The following XPOT variants were observed in gnomAD, a reference collection of about 807,000 sequenced individuals.
XPOT encodes the protein exportin for tRNA, also known as exportin-T.
Under a neutral mutation model 128.2 loss-of-function variants are expected in XPOT, and 34 were observed. That is an observed-to-expected ratio of 0.27 (90% CI 0.20 to 0.35). The LOEUF (loss-of-function observed/expected upper bound fraction) is 0.35, where lower values mean the gene tolerates loss of function less well. XPOT is among the 10% of genes least tolerant of loss of function. The probability of loss-of-function intolerance (pLI) is 1.00; values close to 1 mark genes in which losing one functional copy is unlikely to be tolerated. For synonymous variants in XPOT, 348 were observed against 394.3 expected, an observed-to-expected ratio of 0.88 and a Z score of 1.39; for missense variants, 838 against 1,125.3, an observed-to-expected ratio of 0.74 and a Z score of 3.65.
At position 64,417,972 on chromosome 12, in the gene XPOT, T is replaced by C. The variant is rs1291577617; in HGVS notation, c.201-74T>C. On this transcript the variant is annotated intron_variant, in intron 4 of 24. Transcript: ENST00000332707. ...CTATACAAATTTTCCCTTTCAAATA[T>C]ATGAGGCTGTTATTTTTTACAACCA... The C allele has an allele frequency of 6.6e-6, 8 of 1,212,876 alleles. No individual in the cohort carries two copies. The East Asian group carries it at 9.7e-5, about 15-fold the overall frequency. The allele number at this position is 1,212,876 out of a possible 1,614,324, so 75.1% of individuals were successfully genotyped here.
intron 17 of XPOT, 53 bp from the exon 18 acceptor site, chr12:64,431,485 A>G: frequency 1.9e-6 from 3 of 1,574,156 alleles, no homozygotes; most frequent in Non-Finnish European, 2.6e-6. Context: ...AATACTCCAT[A>G]ACACTTTTAA....
At chr12:64,414,629 A>G (rs781166837) in intron 2 of XPOT, among the ~76,000 whole-genome samples, 1 of 152,170 alleles carries the variant, frequency 6.6e-6, no homozygotes, top group Non-Finnish European at 1.5e-5. Context: ...CATTCTTCAT[A>G]ATAACCCCAT....
chr12:64,419,988 G>T, intron 6 of XPOT, 82 bp from the exon 7 acceptor site: 1 of 1,303,476 alleles, frequency 7.7e-7, no homozygotes. Flanking sequence ...AAGTCTGAAA[G>T]TTTACTCTCT....
chr12:64,439,750 C>T lies in XPOT; in HGVS notation c.2805+435C>T, dbSNP rs977943787. ...GCTTATCAATGCTTAATCTGTAAAT[C>T]TGAAACTATTTTAAGGAAAGTGTCT... On this transcript the variant is annotated intron_variant, in intron 23 of 24. Coordinates refer to ENST00000332707, the MANE Select transcript of XPOT (RefSeq NM_007235.6). Among the ~76,000 whole-genome samples the T allele has an allele frequency of 3.3e-5, 5 of 152,166 alleles. No individual in the cohort carries two copies. The South Asian group carries it at 1.0e-3, about 31-fold the overall frequency.
intron 24 of XPOT, among the ~76,000 whole-genome samples, chr12:64,445,394 G>A (rs542832825): frequency 1.3e-5 from 2 of 152,306 alleles, no homozygotes; most frequent in South Asian, 4.1e-4. Context: ...TTCAAGAACA[G>A]TTGTCCAAAT....
chr12:64,411,452 C>T (rs2136011502), intron 2 of XPOT, among the ~76,000 whole-genome samples: 1 of 152,212 alleles, frequency 6.6e-6, no homozygotes, highest in East Asian at 1.9e-4. Context: ...TCTTAAGTTC[C>T]AGCATCCAAT....
chr12:64,446,213 T>A (rs2040365980), intron 24 of XPOT, among the ~76,000 whole-genome samples: 1 of 152,190 alleles, frequency 6.6e-6, no homozygotes, highest in African/African-American at 2.4e-5. Flanking sequence ...TCTGTAACAG[T>A]AGATCTAGGT....
intron 9 of XPOT, among the ~76,000 whole-genome samples, chr12:64,421,793 T>C (rs1202517811): frequency 6.6e-6 from 1 of 152,048 alleles, no homozygotes; most frequent in African/African-American, 2.4e-5. Flanking sequence ...TACATATACA[T>C]CATTCATTTC....
intron 1 of XPOT, among the ~76,000 whole-genome samples, chr12:64,406,473 A>C (rs934635604): frequency 6.6e-6 from 1 of 151,884 alleles, no homozygotes; most frequent in Non-Finnish European, 1.5e-5. Flanking sequence ...GGTTCAAGCG[A>C]TTCTCCTGCC....
intron 15 of XPOT, among the ~76,000 whole-genome samples, chr12:64,427,323 G>C (rs2040201250): frequency 6.6e-6 from 1 of 151,894 alleles, no homozygotes; most frequent in Non-Finnish European, 1.5e-5. Flanking sequence ...GCTTCACCAT[G>C]TTGGTCAGGC....
intron 8 of XPOT, 99 bp downstream of exon 8, chr12:64,420,620 T>A (rs2040129719): frequency 1.1e-6 from 1 of 916,044 alleles, no homozygotes; most frequent in African/African-American, 1.7e-5. Flanking sequence ...CTTCTAAATG[T>A]TATAAACTCC....
Position 64,450,650 on chromosome 12 carries a change from A to G in XPOT, c.*2519A>G, listed in dbSNP as rs1358444071. The G allele has an allele frequency of 6.6e-6, 1 of 152,236 alleles. No individual in the cohort carries two copies. The highest frequency in any genetic ancestry group is 1.5e-5 in the Non-Finnish European group (1 of 68,048). 9.4% of individuals were successfully genotyped at this position (152,236 alleles called of 1,614,324 possible). On this transcript the variant is annotated 3_prime_UTR_variant, in exon 25 of 25. Coordinates refer to ENST00000332707, the MANE Select transcript of XPOT (RefSeq NM_007235.6). ...CTGAAGTTGCCTAGAGCACCATCACAGCTAGGAAGCTTCCATCATGAATTA... is the reference window on the plus strand; with the variant it reads ...CTGAAGTTGCCTAGAGCACCATCACGGCTAGGAAGCTTCCATCATGAATTA...
rs2040380551 is a variant in XPOT at position 64,448,155 on chromosome 12, T to C, written c.*24T>C. On this transcript the variant is annotated 3_prime_UTR_variant, in exon 25 of 25. Coordinates refer to ENST00000332707, the MANE Select transcript of XPOT (RefSeq NM_007235.6). ...GAGGACTGGATTTCCCTGTGCCTACTTCATGATCATGAATTCCAGTTAATT... is the reference window on the plus strand; with the variant it reads ...GAGGACTGGATTTCCCTGTGCCTACCTCATGATCATGAATTCCAGTTAATT... The C allele has an allele frequency of 6.2e-7, 1 of 1,612,720 alleles. No individual in the cohort carries two copies. Among genetic ancestry groups the C allele is most frequent in the Non-Finnish European group, 8.5e-7 (1 of 1,178,750 alleles).
intron 24 of XPOT, among the ~76,000 whole-genome samples, chr12:64,445,952 A>T (rs2040364028): frequency 6.6e-6 from 1 of 152,242 alleles, no homozygotes; most frequent in East Asian, 1.9e-4. Flanking sequence ...AAATAATTTA[A>T]GTGTGCCATC....
chr12:64,414,766 C>T lies in XPOT; in HGVS notation c.61-141C>T, dbSNP rs2040072253. ...CCCCAAGTTGCATATATTCGGAAGC[C>T]TGCATTTAATGTTTTAACTGTTTTT... On this transcript the variant is annotated intron_variant, in intron 2 of 24. Transcript: ENST00000332707. 3 of 558,652 alleles carry T rather than the reference C, an allele frequency of 5.4e-6. No homozygotes were observed. The South Asian group carries it at 8.0e-5, about 15-fold the overall frequency. The allele number at this position is 558,652 out of a possible 1,614,324, so 34.6% of individuals were successfully genotyped here.
At chr12:64,440,227 T>C (rs2040314117) in intron 23 of XPOT, among the ~76,000 whole-genome samples, 1 of 152,248 alleles carries the variant, frequency 6.6e-6, no homozygotes, top group Admixed American at 6.5e-5. Flanking sequence ...CATGCAGTTA[T>C]CTCTCTTTTT....
chr12:64,442,016 ATT>A (rs1428332631), intron 23 of XPOT, among the ~76,000 whole-genome samples: 1 of 151,962 alleles, frequency 6.6e-6, no homozygotes, highest in Admixed American at 6.6e-5. Flanking sequence ...GAACAGGGAT[ATT>A]CATTTAGCAG....
chr12:64,410,553 C>T (rs902626399), intron 2 of XPOT, among the ~76,000 whole-genome samples: 3 of 152,062 alleles, frequency 2.0e-5, no homozygotes, highest in Non-Finnish European at 2.9e-5. Flanking sequence ...AACTCCTGAG[C>T]TCAAGCGATC....
chr12:64,419,515 G>A (rs933103761), intron 6 of XPOT, among the ~76,000 whole-genome samples: 2 of 151,930 alleles, frequency 1.3e-5, no homozygotes, highest in East Asian at 1.9e-4. Flanking sequence ...ATTGGGTTTC[G>A]CCAGGCTGTG....
Sources: allele counts gnomAD v4.1 joint callset (sites outside exome capture counted in the v4.1 genomes callset), GRCh38; gene constraint gnomAD v4.1.1; transcripts MANE v1.5; gene names NCBI Gene and HGNC (gene_info 2026-07-23, HGNC 2026-07-21).